Variants in UEVLD observed in about 807,000 individuals in gnomAD.
The protein encoded by UEVLD is ubiquitin-conjugating enzyme E2 variant 3.
UEVLD carries 47 observed loss-of-function variants against 58.6 expected under a neutral mutation model. That is an observed-to-expected ratio of 0.80 (90% CI 0.63 to 1.02). The LOEUF is 1.02. UEVLD is among the 50% of genes least tolerant of loss of function. The pLI is 0.00. For missense variants in UEVLD, 510 were observed against 550.6 expected (o/e 0.93, Z 0.74); for synonymous variants, 197 against 195.3 (o/e 1.01, Z -0.07).
At chr11:18,560,138 C>CACACACACACACACACACACAG (rs368897951) in intron 6 of UEVLD, among the ~76,000 whole-genome samples, 1,903 of 74,026 alleles carry the variant, frequency 0.026, 145 homozygotes, top group Middle Eastern at 0.032. Context: ...CACACACACA[C>CACACACACACACACACACACAG]AGAGAGAGAA....
intron 7 of UEVLD, among the ~76,000 whole-genome samples, chr11:18,554,087 T>C (rs996438274): frequency 1.3e-5 from 2 of 152,202 alleles, no homozygotes; most frequent in Admixed American, 1.3e-4. Context: ...GCAACTACTC[T>C]TAATAGTTTC....
At chr11:18,533,726 G>A (rs779577128) in intron 11 of UEVLD, among the ~76,000 whole-genome samples, 21 of 152,158 alleles carry the variant, frequency 1.4e-4, no homozygotes, top group African/African-American at 4.8e-4. Context: ...ACTGAGTCTC[G>A]CTGTGTCACC....
intron 4 of UEVLD, among the ~76,000 whole-genome samples, chr11:18,567,373 T>C (rs1397566241): frequency 6.6e-6 from 1 of 152,348 alleles, no homozygotes; most frequent in African/African-American, 2.4e-5. Context: ...TTTATTATTA[T>C]TCCTGGGAAT....
chr11:18,587,016 A>T, intron 1 of UEVLD, among the ~76,000 whole-genome samples: 1 of 152,188 alleles, frequency 6.6e-6, no homozygotes, highest in Non-Finnish European at 1.5e-5. Flanking sequence ...TGGGTGACAG[A>T]GCGAGACTCC....
intron 9 of UEVLD, among the ~76,000 whole-genome samples, chr11:18,538,266 C>G (rs1231344123): frequency 6.6e-6 from 1 of 151,724 alleles, no homozygotes; most frequent in Non-Finnish European, 1.5e-5. Flanking sequence ...CTTTTGTGTT[C>G]TCTTGCACAT....
chr11:18,558,196 A>G, intron 7 of UEVLD, 32 bp downstream of exon 7: 3 of 1,496,074 alleles, frequency 2.0e-6, no homozygotes, highest in Non-Finnish European at 1.8e-6. Context: ...AAGATCTAAT[A>G]AGGCATACAT....
intron 1 of UEVLD, among the ~76,000 whole-genome samples, chr11:18,580,406 T>C (rs903504329): frequency 1.3e-5 from 2 of 152,088 alleles, no homozygotes; most frequent in African/African-American, 4.8e-5. Context: ...CAAAAACTTG[T>C]ATGCAATTGT....
chr11:18,544,115 T>C (rs1851180610), intron 9 of UEVLD, among the ~76,000 whole-genome samples: 2 of 152,362 alleles, frequency 1.3e-5, no homozygotes, highest in South Asian at 2.1e-4. Context: ...CTAAGCGGTC[T>C]TGTCTAACCT....
chr11:18,582,127 A>T (rs926311365), intron 1 of UEVLD, among the ~76,000 whole-genome samples: 11 of 152,150 alleles, frequency 7.2e-5, no homozygotes, highest in African/African-American at 2.7e-4. Flanking sequence ...CAACAAATAT[A>T]ATTTGTTTCA....
intron 3 of UEVLD, among the ~76,000 whole-genome samples, chr11:18,574,828 A>G (rs1295610260): frequency 1.3e-5 from 2 of 152,166 alleles, no homozygotes; most frequent in Non-Finnish European, 2.9e-5. Context: ...AGTTTCACCT[A>G]TGGAATGGAG....
At chr11:18,573,311 G>A (rs890985251) in intron 3 of UEVLD, among the ~76,000 whole-genome samples, 1 of 152,128 alleles carries the variant, frequency 6.6e-6, no homozygotes, top group Non-Finnish European at 1.5e-5. Context: ...AAAACACTGG[G>A]GTGGGTTAAG....
chr11:18,566,567 G>A (rs1345956171), intron 4 of UEVLD, 85 bp from the exon 5 acceptor site: 38 of 1,444,094 alleles, frequency 2.6e-5, no homozygotes, highest in Non-Finnish European at 3.6e-5. Context: ...TATTACTTGA[G>A]CCCAGGAGTT....
At chr11:18,574,541 C>A (rs1412144887) in intron 3 of UEVLD, among the ~76,000 whole-genome samples, 1 of 152,208 alleles carries the variant, frequency 6.6e-6, no homozygotes, top group Admixed American at 6.5e-5. Flanking sequence ...ATATAAGCAA[C>A]CTCTTGTGAT....
rs1475366835 is a variant in UEVLD, at chr11:18,529,786, T to C, written c.*2534A>G. On this transcript the variant is annotated 3_prime_UTR_variant, in exon 12 of 12. Coordinates refer to ENST00000396197, the MANE Select transcript of UEVLD (RefSeq NM_001040697.4). ...ATGAAAACATGAAAGTTAACAAGCA[T>C]TGAAAATGCCAAATTATCACAAAAT... 4.6e-5 allele frequency: 7 copies of C among 152,332 alleles called. No homozygotes were observed. Among genetic ancestry groups the C allele is most frequent in the Admixed American group, 1.3e-4 (2 of 15,300 alleles). 9.4% of individuals were successfully genotyped at this position (152,332 alleles called of 1,614,324 possible). A position where few individuals can be genotyped will look rare whatever the true frequency, so the allele number is the denominator to read the frequency against.
intron 2 of UEVLD, among the ~76,000 whole-genome samples, chr11:18,577,411 A>C (rs1334937367): frequency 6.6e-6 from 1 of 152,236 alleles, no homozygotes; most frequent in Non-Finnish European, 1.5e-5. Context: ...CAACATTCAT[A>C]TCTCTGAAAG....
At chr11:18,575,240 T>C (rs1247471655) in intron 3 of UEVLD, 107 bp downstream of exon 3, 1 of 1,218,432 alleles carries the variant, frequency 8.2e-7, no homozygotes, top group Non-Finnish European at 1.2e-6. Context: ...GTATAGGTCA[T>C]ATATCTGCAA....
intron 7 of UEVLD, among the ~76,000 whole-genome samples, chr11:18,548,439 T>C (rs1014234038): frequency 2.6e-5 from 4 of 152,208 alleles, no homozygotes; most frequent in African/African-American, 9.6e-5. Context: ...TCTTTTTTGT[T>C]TTTTGAAATG....
At chr11:18,566,748 C>T (rs982240925) in intron 4 of UEVLD, among the ~76,000 whole-genome samples, 3 of 152,172 alleles carry the variant, frequency 2.0e-5, no homozygotes, top group Non-Finnish European at 4.4e-5. Flanking sequence ...TCATCATACA[C>T]ATTATATGAT....
intron 7 of UEVLD, among the ~76,000 whole-genome samples, chr11:18,547,687 C>T (rs1428307525): frequency 6.6e-6 from 1 of 152,072 alleles, no homozygotes; most frequent in East Asian, 1.9e-4. Flanking sequence ...AACCTACCAT[C>T]AATTACACCA....
Sources: gnomAD v4.1 joint callset for allele counts (sites outside exome capture counted in the v4.1 genomes callset) on GRCh38, gnomAD v4.1.1 for gene constraint, MANE v1.5 for transcripts, NCBI Gene and HGNC (gene_info 2026-07-23, HGNC 2026-07-21) for gene names.